Variants in NOS1 observed in about 807,000 individuals in gnomAD.
NOS1 encodes NOS type I.
Under a neutral mutation model 164.5 loss-of-function variants are expected in NOS1, and 51 were observed. The ratio of observed to expected loss-of-function variants is 0.31; its 90% CI spans 0.25 to 0.39. The LOEUF (loss-of-function observed/expected upper bound fraction) is 0.39, where lower values mean the gene tolerates loss of function less well. NOS1 is among the 10% of genes least tolerant of loss of function. NOS1 has a pLI of 1.00. For synonymous variants in NOS1, 719 were observed against 745.8 expected, an observed-to-expected ratio of 0.96 and a Z score of 0.59; for missense variants, 1,362 against 1,885.6, an observed-to-expected ratio of 0.72 and a Z score of 5.14.
chr12:117,288,385 T>G (rs1162953887), intron 4 of NOS1, among the ~76,000 whole-genome samples, 166 bp from the exon 5 acceptor site: 1 of 152,200 alleles, frequency 6.6e-6, no homozygotes, highest in East Asian at 1.9e-4. Context: ...ATGATCATAG[T>G]CATGTTAAGG....
chr12:117,221,509 C>G (rs941529154), intron 26 of NOS1, among the ~76,000 whole-genome samples: 2 of 151,832 alleles, frequency 1.3e-5, no homozygotes, highest in African/African-American at 4.8e-5. Flanking sequence ...GTCTCGAACT[C>G]CTGACCTCAA....
intron 24 of NOS1, among the ~76,000 whole-genome samples, chr12:117,226,167 T>C (rs1868656035): frequency 6.6e-6 from 1 of 152,074 alleles, no homozygotes; most frequent in African/African-American, 2.4e-5. Context: ...TTGAGAAAAA[T>C]GATTGGCCAA....
Position 117,253,630 on chromosome 12 carries a change from T to A in NOS1, c.2648+8A>T. 1 of 1,602,296 alleles carries A rather than the reference T, an allele frequency of 6.2e-7. No individual in the cohort carries two copies. The highest frequency in any genetic ancestry group is 8.5e-7 in the Non-Finnish European group (1 of 1,170,000). On this transcript the variant is annotated splice_region_variant and intron_variant, in intron 17 of 28. Transcript: ENST00000317775. ...CCTGACCCCCGACCCCCTTATCCCC[T>A]TGCTCACCTCACATTGGCCAGGGGT...
intron 16 of NOS1, among the ~76,000 whole-genome samples, chr12:117,256,302 G>T (rs577710949): frequency 2.4e-5 from 1 of 41,288 alleles, no homozygotes; most frequent in African/African-American, 4.1e-4. Flanking sequence ...TTTTTGAGAC[G>T]GAGTCTCACT....
intron 10 of NOS1, among the ~76,000 whole-genome samples, chr12:117,269,725 C>T (rs1360880191): frequency 6.6e-6 from 1 of 152,126 alleles, no homozygotes; most frequent in Non-Finnish European, 1.5e-5. Context: ...CTCGGCCTCC[C>T]AAAGTGCTGG....
At position 117,247,330 on chromosome 12, in the gene NOS1, C is replaced by A; in HGVS notation, c.2823+18G>T. On this transcript the variant is annotated intron_variant, in intron 18 of 28. Transcript: ENST00000317775. ...GGGAGCATTACTTTTTCCTGTAGGT[C>A]CATGAGATCCAGATTACCTTGAAGA... is the stretch of plus-strand genomic sequence containing the variant. 6.4e-7 allele frequency: 1 copy of A among 1,570,024 alleles called. No homozygotes were observed. Among genetic ancestry groups the A allele is most frequent in the South Asian group, 1.2e-5 (1 of 84,534 alleles).
At chr12:117,316,980 A>C (rs1369391286) in intron 2 of NOS1, among the ~76,000 whole-genome samples, 2 of 152,132 alleles carry the variant, frequency 1.3e-5, no homozygotes, top group Admixed American at 6.5e-5. Context: ...TCCTGGGTTC[A>C]AGCAATTCTC....
At chr12:117,297,180 G>T (rs1873472370) in intron 3 of NOS1, among the ~76,000 whole-genome samples, 1 of 152,222 alleles carries the variant, frequency 6.6e-6, no homozygotes, top group South Asian at 2.1e-4. Context: ...TGCAAGGATT[G>T]CAGGAGGGAG....
intron 3 of NOS1, among the ~76,000 whole-genome samples, chr12:117,301,286 C>T (rs1034873164): frequency 2.6e-5 from 4 of 151,554 alleles, no homozygotes; most frequent in African/African-American, 9.7e-5. Context: ...TGCCACCACA[C>T]CTGGCTAATA....
Position 117,313,172 on chromosome 12 carries a change from C to T in NOS1, c.726-1580G>A, listed in dbSNP as rs535881552. ...CATCAGGACCACACCAGCATCTTCA[C>T]GACCACCAGCATCATCCTCACAATC... On this transcript the variant is annotated intron_variant, in intron 2 of 28. Coordinates refer to ENST00000317775, the MANE Select transcript of NOS1 (RefSeq NM_000620.5). 2.6e-4 allele frequency among the ~76,000 whole-genome samples: 39 copies of T among 152,250 alleles called. No homozygotes were observed. The South Asian group carries it at 5.6e-3, about 22-fold the overall frequency.
At position 117,340,871 on chromosome 12, in the gene NOS1, C is replaced by CTTTTTTTTTTTT. The variant is rs775978271; in HGVS notation, c.-420-9383_-420-9382insAAAAAAAAAAAA. Among the ~76,000 whole-genome samples the CTTTTTTTTTTTT allele has an allele frequency of 2.4e-4, 23 of 96,428 alleles. 1 individual carries two copies. Among genetic ancestry groups the CTTTTTTTTTTTT allele is most frequent in the East Asian group, 2.7e-4 (1 of 3,662 alleles). 63.3% of individuals were successfully genotyped at this position (96,428 alleles called of 152,430 possible). ...CCTGAGTAGCTGATATCACACCTGGCTATTTTTTTTTTTTTTTTTTTTTTT... is the reference window on the plus strand; with the variant it reads ...CCTGAGTAGCTGATATCACACCTGGCTTTTTTTTTTTTTATTTTTTTTTTTTTTTTTTTTTTT... On this transcript the variant is annotated intron_variant, in intron 1 of 28. Transcript: ENST00000317775.
At chr12:117,326,554 C>A (rs1046394191) in intron 2 of NOS1, among the ~76,000 whole-genome samples, 1 of 152,244 alleles carries the variant, frequency 6.6e-6, no homozygotes, top group African/African-American at 2.4e-5. Flanking sequence ...TCTAAGCCAC[C>A]TTCTCTAGAC....
At chr12:117,220,043 A>C in intron 27 of NOS1, 32 bp downstream of exon 27, 2 of 1,573,680 alleles carry the variant, frequency 1.3e-6, no homozygotes, top group Non-Finnish European at 1.7e-6. Flanking sequence ...GGATGTAGGA[A>C]AAGGGACCTG....
intron 1 of NOS1, among the ~76,000 whole-genome samples, chr12:117,350,448 G>C (rs546513513): frequency 2.6e-5 from 4 of 152,290 alleles, no homozygotes; most frequent in Non-Finnish European, 5.9e-5. Flanking sequence ...ACAATTTGCA[G>C]GCTAAGTTGC....
intron 21 of NOS1, among the ~76,000 whole-genome samples, chr12:117,233,730 C>T (rs1869456227): frequency 6.7e-6 from 1 of 150,280 alleles, no homozygotes. Flanking sequence ...ATCGCTTGAA[C>T]CTGGGAGGTG....
chr12:117,249,604 A>G (rs1870924439), intron 17 of NOS1, among the ~76,000 whole-genome samples: 1 of 152,310 alleles, frequency 6.6e-6, no homozygotes, highest in African/African-American at 2.4e-5. Flanking sequence ...AAAGGGAATG[A>G]AATAGTTATA....
intron 16 of NOS1, chr12:117,256,105 G>A: frequency 1.2e-6 from 1 of 819,572 alleles, no homozygotes; most frequent in Non-Finnish European, 1.8e-6. Flanking sequence ...CTGCTGGGAG[G>A]CCATCTAGGA....
intron 7 of NOS1, among the ~76,000 whole-genome samples, chr12:117,282,581 T>C (rs1226081686): frequency 6.6e-6 from 1 of 152,156 alleles, no homozygotes; most frequent in African/African-American, 2.4e-5. Flanking sequence ...TCTTGCTCTC[T>C]ACACAAGACA....
intron 18 of NOS1, among the ~76,000 whole-genome samples, chr12:117,246,969 G>C (rs1421009074): frequency 1.3e-5 from 2 of 152,150 alleles, no homozygotes; most frequent in African/African-American, 2.4e-5. Flanking sequence ...TACAAGAGGG[G>C]TAGGCGTGTC....
Sources: allele counts gnomAD v4.1 joint callset (sites outside exome capture counted in the v4.1 genomes callset), GRCh38; gene constraint gnomAD v4.1.1; transcripts MANE v1.5; gene names NCBI Gene and HGNC (gene_info 2026-07-23, HGNC 2026-07-21).